Variants in ENPP2 observed in about 807,000 individuals in gnomAD.
ENPP2 encodes autotaxin.
A neutral mutation model predicts 120.2 loss-of-function variants in ENPP2; 51 were observed. The observed-to-expected ratio is 0.42, with a 90% confidence interval of 0.34 to 0.54. The LOEUF is 0.54. Among genes scored for constraint, ENPP2 ranks in the 20% least tolerant of loss-of-function variants. ENPP2 has a pLI of 0.04. For missense variants in ENPP2, 920 were observed against 1,066.5 expected, an observed-to-expected ratio of 0.86 and a Z score of 1.91; for synonymous variants, 365 against 366.4, an observed-to-expected ratio of 1.00 and a Z score of 0.04.
chr8:119,645,533 G>A (rs1029121372), intron 1 of ENPP2, among the ~76,000 whole-genome samples: 19 of 152,110 alleles, frequency 1.2e-4, no homozygotes, highest in Non-Finnish European at 7.4e-5. Flanking sequence ...ACATTAGAAG[G>A]TCCTCTCATA....
intron 1 of ENPP2, among the ~76,000 whole-genome samples, chr8:119,662,716 A>G (rs1563780412): frequency 6.6e-6 from 1 of 152,234 alleles, no homozygotes. Context: ...CAGGCAGGAC[A>G]ATATCTGGCC....
chr8:119,593,048 CT>C, intron 12 of ENPP2: 1 of 634,312 alleles, frequency 1.6e-6, no homozygotes, highest in Non-Finnish European at 2.0e-6. Flanking sequence ...AGGAGATACC[CT>C]TTAGAACTCA....
intron 2 of ENPP2, among the ~76,000 whole-genome samples, chr8:119,637,300 C>T (rs895692297): frequency 6.6e-6 from 1 of 152,146 alleles, no homozygotes; most frequent in Admixed American, 6.6e-5. Flanking sequence ...GTCCATTTGG[C>T]TCCCTGGGGC....
rs1410493504 is a variant in ENPP2 at position 119,633,548 on chromosome 8, G to A, written c.136+4877C>T. Among the ~76,000 whole-genome samples, 7 of 151,544 alleles carry A rather than the reference G, an allele frequency of 4.6e-5. No individual in the cohort carries two copies. In the South Asian group the frequency reaches 8.3e-4, roughly 18 times the overall value. ...CAGGGCAAGGCAGAGGACAGTGTGC[G>A]TGGCATTCAAGATGCTGCCCAGCTC... On this transcript the variant is annotated intron_variant, in intron 2 of 24. Coordinates refer to ENST00000075322, the MANE Select transcript of ENPP2 (RefSeq NM_001040092.3).
chr8:119,660,290 T>C (rs1817884671), intron 1 of ENPP2, among the ~76,000 whole-genome samples: 1 of 152,258 alleles, frequency 6.6e-6, no homozygotes, highest in South Asian at 2.1e-4. Context: ...GTAATTTCTT[T>C]TCAGACATGA....
At position 119,601,430 on chromosome 8, in the gene ENPP2, A is replaced by G. The variant is rs1344986886; in HGVS notation, c.866T>C (p.Ile289Thr). The part of the protein sequence containing the change: ...VIPHERRILT[I>T]LQWLTLPDHE... ...ATCTGGCAGGGTGAGCCACTGCAAT[A>G]TGGTTAATATTCTCCGCTCGTGAGG... The change falls in exon 10 of 25, where the codon ATA (isoleucine) becomes ACA (threonine). Residue 289 changes from isoleucine to threonine, a missense_variant. Coordinates refer to ENST00000075322, the MANE Select transcript of ENPP2 (RefSeq NM_001040092.3). 4.3e-6 allele frequency: 7 copies of G among 1,612,584 alleles called. No individual in the cohort carries two copies. The highest frequency in any genetic ancestry group is 5.9e-6 in the Non-Finnish European group (7 of 1,178,600).
intron 2 of ENPP2, among the ~76,000 whole-genome samples, chr8:119,636,898 G>A (rs1176874235): frequency 6.6e-6 from 1 of 151,968 alleles, no homozygotes; most frequent in Non-Finnish European, 1.5e-5. Flanking sequence ...GCAAGTTACA[G>A]GACTCCAGGG....
intron 13 of ENPP2, among the ~76,000 whole-genome samples, chr8:119,588,562 A>G (rs1306606380): frequency 6.8e-6 from 1 of 147,782 alleles, no homozygotes; most frequent in African/African-American, 2.5e-5. Context: ...AGAGCTTTGC[A>G]GGCACTTTCT....
At chr8:119,667,178 A>T (rs974588127) in intron 1 of ENPP2, among the ~76,000 whole-genome samples, 1 of 152,184 alleles carries the variant, frequency 6.6e-6, no homozygotes, top group Non-Finnish European at 1.5e-5. Context: ...AGGATGCCTT[A>T]AATACCAAGC....
chr8:119,615,501 A>G (rs956769868), intron 8 of ENPP2, among the ~76,000 whole-genome samples: 1 of 152,192 alleles, frequency 6.6e-6, no homozygotes, highest in South Asian at 2.1e-4. Flanking sequence ...AACATTAGGT[A>G]GAAAGCCACC....
chr8:119,650,848 C>T (rs1350449400), intron 1 of ENPP2, among the ~76,000 whole-genome samples: 1 of 152,160 alleles, frequency 6.6e-6, no homozygotes, highest in Non-Finnish European at 1.5e-5. Flanking sequence ...CTAGAAGAGA[C>T]CCTAGTTCTT....
intron 1 of ENPP2, among the ~76,000 whole-genome samples, chr8:119,645,232 C>A (rs1817407929): frequency 6.6e-6 from 1 of 152,182 alleles, no homozygotes; most frequent in Non-Finnish European, 1.5e-5. Context: ...CAGCGTGATG[C>A]CTCTCTACTA....
At chr8:119,618,858 A>G (rs900370003) in intron 5 of ENPP2, among the ~76,000 whole-genome samples, 1 of 152,044 alleles carries the variant, frequency 6.6e-6, no homozygotes, top group Non-Finnish European at 1.5e-5. Flanking sequence ...ACACAGTTTT[A>G]AAGGTTCTCA....
At chr8:119,592,107 T>G (rs1272069472) in intron 12 of ENPP2, among the ~76,000 whole-genome samples, 1 of 152,174 alleles carries the variant, frequency 6.6e-6, no homozygotes, top group Non-Finnish European at 1.5e-5. Flanking sequence ...AGGTGTATAG[T>G]GTCAGATAGC....
At chr8:119,622,103 A>G (rs1414758123) in intron 3 of ENPP2, among the ~76,000 whole-genome samples, 2 of 152,038 alleles carry the variant, frequency 1.3e-5, no homozygotes, top group South Asian at 2.1e-4. Context: ...TAATTTTTGT[A>G]TTTTTAGTAG....
intron 12 of ENPP2, chr8:119,592,822 T>C (rs1813620152): frequency 6.0e-6 from 1 of 166,886 alleles, no homozygotes; most frequent in Non-Finnish European, 1.1e-5. Context: ...CTAATCCCTT[T>C]GGCTTTTTTT....
chr8:119,618,609 G>A (rs1815647772), intron 5 of ENPP2: 1 of 254,778 alleles, frequency 3.9e-6, no homozygotes, highest in Admixed American at 5.2e-5. Context: ...GCACAATCTG[G>A]GCTCAATGCA....
intron 5 of ENPP2, 56 bp downstream of exon 5, chr8:119,619,188 G>T: frequency 8.3e-7 from 1 of 1,210,764 alleles, no homozygotes; most frequent in Non-Finnish European, 1.2e-6. Flanking sequence ...TTCATTTCCT[G>T]TGAGAGTTTA....
chr8:119,647,171 A>G (rs532224205), intron 1 of ENPP2, among the ~76,000 whole-genome samples: 2 of 151,950 alleles, frequency 1.3e-5, no homozygotes, highest in South Asian at 4.2e-4. Flanking sequence ...TGATTTTTGT[A>G]TTTTTAGTAG....
Sources: allele counts gnomAD v4.1 joint callset (sites outside exome capture counted in the v4.1 genomes callset), GRCh38; gene constraint gnomAD v4.1.1; transcripts MANE v1.5; gene names NCBI Gene and HGNC (gene_info 2026-07-23, HGNC 2026-07-21).